Variants in SEC14L4 observed in about 807,000 individuals in gnomAD.
The protein encoded by SEC14L4 is SEC14 like lipid binding 4.
In SEC14L4, 42 loss-of-function variants were observed where a neutral mutation model predicts 55.1. That is an observed-to-expected ratio of 0.76 (90% CI 0.60 to 0.99). SEC14L4 has a LOEUF of 0.99. SEC14L4 is among the 50% of genes least tolerant of loss of function. The pLI is 0.00. For synonymous variants in SEC14L4, 206 were observed against 206.8 expected, an observed-to-expected ratio of 1.00 and a Z score of 0.03; for missense variants, 445 against 512.1, an observed-to-expected ratio of 0.87 and a Z score of 1.27.
intron 11 of SEC14L4, among the ~76,000 whole-genome samples, chr22:30,490,899 G>C (rs9608941): frequency 6.6e-6 from 1 of 152,080 alleles, no homozygotes; most frequent in African/African-American, 2.4e-5. Context: ...GCCGCTTTCC[G>C]TCTCACAGAA....
At chr22:30,501,856 T>TATATATATATATATATAC (rs1478784069) in intron 2 of SEC14L4, among the ~76,000 whole-genome samples, 1 of 141,688 alleles carries the variant, frequency 7.1e-6, no homozygotes, top group African/African-American at 2.6e-5. Flanking sequence ...CATATATATA[T>TATATATATATATATATAC]ATATATATAT....
intron 2 of SEC14L4, 109 bp from the exon 3 acceptor site, chr22:30,496,080 C>A: frequency 4.0e-6 from 3 of 745,842 alleles, no homozygotes; most frequent in Non-Finnish European, 2.3e-6. Flanking sequence ...TCCTGACACC[C>A]CAATAATACA....
At chr22:30,495,464 C>T (rs776773282) in intron 4 of SEC14L4, 22 bp from the exon 5 acceptor site, 34 of 1,611,074 alleles carry the variant, frequency 2.1e-5, no homozygotes, top group East Asian at 4.5e-5. Flanking sequence ...GGTAAGGTCC[C>T]GACTCAATCC....
intron 7 of SEC14L4, 24 bp downstream of exon 7, chr22:30,494,126 A>T: frequency 6.3e-7 from 1 of 1,583,130 alleles, no homozygotes; most frequent in Non-Finnish European, 8.7e-7. Context: ...CCTCCCCAGG[A>T]GGTCATCCCG....
chr22:30,502,062 C>T (rs1936347547), intron 2 of SEC14L4, among the ~76,000 whole-genome samples: 1 of 151,632 alleles, frequency 6.6e-6, no homozygotes, highest in Non-Finnish European at 1.5e-5. Context: ...AATGGGGTTT[C>T]ACTATGTTGG....
chr22:30,495,889 T>C (rs752408811), intron 3 of SEC14L4, 39 bp downstream of exon 3: 1 of 1,606,834 alleles, frequency 6.2e-7, no homozygotes, highest in Non-Finnish European at 8.5e-7. Context: ...TGGGTCACAG[T>C]GCATGGAAGG....
Position 30,495,342 on chromosome 22 carries a change from A to G in SEC14L4, c.335T>C (p.Leu112Pro). ...IIGSLDPKGLLLSASKQDMIR... is the reference protein window; with the variant it reads ...IIGSLDPKGLPLSASKQDMIR... Reference sequence around the variant, plus strand: ...CATATCCTGCTTGGAGGCTGACAGCAGGAGACCCTTGGGGTCGAGGGACCC... The same window carrying G: ...CATATCCTGCTTGGAGGCTGACAGCGGGAGACCCTTGGGGTCGAGGGACCC... The change falls in exon 5 of 12, where the codon CTG becomes CCG. Residue 112 changes from leucine to proline, a missense_variant. Leu to Pro is a moderately conservative substitution (Grantham distance 98). Coordinates refer to ENST00000255858, the MANE Select transcript of SEC14L4 (RefSeq NM_174977.4). The G allele has an allele frequency of 6.2e-7, 1 of 1,614,128 alleles. No homozygotes were observed. Among genetic ancestry groups the G allele is most frequent in the Non-Finnish European group, 8.5e-7 (1 of 1,180,030 alleles).
Position 30,489,787 on chromosome 22 carries a change from T to C in SEC14L4, c.*320A>G. 7.1e-7 allele frequency: 1 copy of C among 1,414,080 alleles called. No individual in the cohort carries two copies. The highest frequency in any genetic ancestry group is 9.8e-7 in the Non-Finnish European group (1 of 1,021,582). 87.6% of individuals were successfully genotyped at this position (1,414,080 alleles called of 1,614,324 possible). On this transcript the variant is annotated 3_prime_UTR_variant, in exon 12 of 12. Transcript: ENST00000255858. ...GGGTGAGTCCTGGGTGGCTGGATCT[T>C]GTCAAGATGGGTGAAAGGGCAGCTT...
chr22:30,498,886 G>C (rs1936230882), intron 2 of SEC14L4, among the ~76,000 whole-genome samples: 1 of 152,096 alleles, frequency 6.6e-6, no homozygotes, highest in African/African-American at 2.4e-5. Flanking sequence ...TTCTGTTGTT[G>C]AACTATTCTT....
intron 1 of SEC14L4, among the ~76,000 whole-genome samples, chr22:30,505,315 G>A (rs902472226): frequency 1.3e-5 from 2 of 152,180 alleles, no homozygotes; most frequent in Non-Finnish European, 2.9e-5. Context: ...ACCAGGGCCG[G>A]GTGGTGGAGA....
intron 2 of SEC14L4, among the ~76,000 whole-genome samples, chr22:30,497,385 C>T (rs1225183804): frequency 6.6e-6 from 1 of 151,770 alleles, no homozygotes. Flanking sequence ...CTTAGCTAGG[C>T]GTGGTGGTGC....
intron 1 of SEC14L4, 124 bp downstream of exon 1, chr22:30,505,434 A>G (rs1936458311): frequency 9.9e-7 from 1 of 1,010,944 alleles, no homozygotes; most frequent in Non-Finnish European, 1.5e-6. Context: ...ACCAGAGGGC[A>G]GAACAGAGGC....
intron 2 of SEC14L4, among the ~76,000 whole-genome samples, chr22:30,502,113 G>A (rs914450243): frequency 2.6e-5 from 4 of 151,624 alleles, no homozygotes; most frequent in African/African-American, 7.3e-5. Context: ...TGATCTGCCC[G>A]CCTCGGCCTC....
chr22:30,495,303 A>G lies in SEC14L4; in HGVS notation c.374T>C (p.Ile125Thr), dbSNP rs1237072653. The change falls in exon 5 of 12, where the codon ATC (isoleucine) becomes ACC (threonine). Residue 125 changes from isoleucine to threonine, a missense_variant. Transcript: ENST00000255858. ...ASKQDMIRKRIKVCELLLHEC... is the reference protein window; with the variant it reads ...ASKQDMIRKRTKVCELLLHEC... Reference sequence around the variant, plus strand: ...ATGCAACAGCAGCTCACAGACTTTGATGCGCTTCCGGATCATATCCTGCTT... The same window carrying G: ...ATGCAACAGCAGCTCACAGACTTTGGTGCGCTTCCGGATCATATCCTGCTT... 1.2e-6 allele frequency: 2 copies of G among 1,613,658 alleles called. No homozygotes were observed. Among genetic ancestry groups the G allele is most frequent in the Non-Finnish European group, 1.7e-6 (2 of 1,179,960 alleles).
intron 2 of SEC14L4, among the ~76,000 whole-genome samples, chr22:30,501,577 A>G (rs1189046463): frequency 6.6e-6 from 1 of 152,174 alleles, no homozygotes; most frequent in African/African-American, 2.4e-5. Context: ...CAAGATGACT[A>G]AATATAATGT....
chr22:30,505,550 C>G lies in SEC14L4; in HGVS notation c.54+8G>C, dbSNP rs1338261387. 2 of 1,563,920 alleles carry G rather than the reference C, an allele frequency of 1.3e-6. No homozygotes were observed. Among genetic ancestry groups the G allele is most frequent in the Non-Finnish European group, 8.7e-7 (1 of 1,156,028 alleles). On this transcript the variant is annotated splice_region_variant and intron_variant, in intron 1 of 11. Coordinates refer to ENST00000255858, the MANE Select transcript of SEC14L4 (RefSeq NM_174977.4). ...TCCTCAAGCCTCCCAGCCCGCGATG[C>G]TCCTCACCCTGGCCAGCGCTTCCTG...
rs2146156585 is a variant in SEC14L4, at chr22:30,490,177, A to C, written c.1151T>G (p.Leu384Arg). The C allele has an allele frequency of 6.2e-7, 1 of 1,614,158 alleles. No individual in the cohort carries two copies. ...AKKLSYTVEV[L>R]LPDKASEETL... The stretch of plus-strand genomic sequence containing the variant: ...CTCCTCAGAGGCCTTGTCGGGAAGC[A>C]GCACCTCCACAGTGTAGCTGAGCTT... Residue 384 changes from leucine (L) to arginine (R), a missense_variant, in exon 12 of 12, where the codon CTG becomes CGG. Transcript: ENST00000255858.
At chr22:30,490,922 A>G (rs1935931258) in intron 11 of SEC14L4, among the ~76,000 whole-genome samples, 1 of 152,192 alleles carries the variant, frequency 6.6e-6, no homozygotes, top group African/African-American at 2.4e-5. Context: ...CATGTCCTTC[A>G]ATGCCAAGGT....
chr22:30,505,131 CA>C (rs528308322), intron 1 of SEC14L4, among the ~76,000 whole-genome samples: 2,374 of 69,144 alleles, frequency 0.034, 39 homozygotes, highest in African/African-American at 0.1. Context: ...GACTCCATCT[CA>C]AAAAAAAAAA....
Sources: allele counts gnomAD v4.1 joint callset (sites outside exome capture counted in the v4.1 genomes callset), GRCh38; gene constraint gnomAD v4.1.1; transcripts MANE v1.5; gene names NCBI Gene and HGNC (gene_info 2026-07-23, HGNC 2026-07-21).